Variants in PDE4D observed in about 807,000 individuals in gnomAD.
PDE4D encodes the protein phosphodiesterase 4D.
PDE4D carries 24 observed loss-of-function variants against 87.4 expected under a neutral mutation model. That is an observed-to-expected ratio of 0.27 (90% CI 0.20 to 0.39). The LOEUF (loss-of-function observed/expected upper bound fraction) is 0.39. Ranked by LOEUF, PDE4D falls within the 10% of genes least tolerant of loss-of-function variation. The pLI is 1.00. For synonymous variants in PDE4D, 384 were observed against 383.2 expected (o/e 1.00, Z -0.02); for missense variants, 714 against 1,041.0 (o/e 0.69, Z 4.32).
At chr5:58,983,795 C>T (rs1228927499) in intron 11 of PDE4D, among the ~76,000 whole-genome samples, 1 of 152,198 alleles carries the variant, frequency 6.6e-6, no homozygotes, top group Non-Finnish European at 1.5e-5. Flanking sequence ...TTTTGTGACA[C>T]TCTCTTGTTC....
At position 59,308,020 on chromosome 5, in the gene PDE4D, G is replaced by A. The variant is rs563802609; in HGVS notation, c.456-92052C>T. Among the ~76,000 whole-genome samples the A allele has an allele frequency of 2.9e-4, 44 of 152,210 alleles. No homozygotes were observed. In the East Asian group the frequency reaches 7.7e-3, roughly 27 times the overall value. On this transcript the variant is annotated intron_variant, in intron 1 of 14. Transcript: ENST00000340635. ...ATGTGGCACATATACACCATGGAAA[G>A]CTATGCAGCCATAAAAAATGATGAG...
chr5:60,218,571 A>C (rs1490829072), intron 1 of PDE4D, among the ~76,000 whole-genome samples: 1 of 152,092 alleles, frequency 6.6e-6, no homozygotes, highest in Non-Finnish European at 1.5e-5. Flanking sequence ...CCATGTTTTT[A>C]TGAGGATTCA....
chr5:59,634,206 C>T (rs1244947614), intron 1 of PDE4D, among the ~76,000 whole-genome samples: 8 of 152,158 alleles, frequency 5.3e-5, no homozygotes, highest in African/African-American at 1.7e-4. Flanking sequence ...TATATATGCA[C>T]CCAATACAAG....
intron 1 of PDE4D, among the ~76,000 whole-genome samples, chr5:59,546,322 T>C (rs1450188127): frequency 6.6e-6 from 1 of 152,088 alleles, no homozygotes; most frequent in East Asian, 1.9e-4. Context: ...CAAAAGTGCG[T>C]TGCGCTCATC....
In PDE4D at chr5:59,997,460, A is replaced by G. The variant is rs112164826; in HGVS notation, c.43-8743T>C. On this transcript the variant is annotated intron_variant, in intron 2 of 16. Transcript: ENST00000502484. Reference sequence around the variant, plus strand: ...TTAAATACCAATACCAATCAAAACTATGTGTATAAACATGAAAGAAAAACC... The same window carrying G: ...TTAAATACCAATACCAATCAAAACTGTGTGTATAAACATGAAAGAAAAACC... Among the ~76,000 whole-genome samples the G allele has an allele frequency of 3.4e-4, 52 of 152,320 alleles. 3 individuals carry two copies. Among genetic ancestry groups the G allele is most frequent in the African/African-American group, 1.2e-3 (48 of 41,584 alleles).
chr5:59,667,289 C>CTGTGT (rs1451023447), intron 1 of PDE4D, among the ~76,000 whole-genome samples: 1 of 151,788 alleles, frequency 6.6e-6, no homozygotes, highest in African/African-American at 2.4e-5. Flanking sequence ...TTGTGTTTTG[C>CTGTGT]TGTGTTGCGT....
chr5:60,075,862 T>C (rs1427092578), intron 2 of PDE4D, among the ~76,000 whole-genome samples: 1 of 152,186 alleles, frequency 6.6e-6, no homozygotes, highest in Non-Finnish European at 1.5e-5. Flanking sequence ...CTCTATCAGG[T>C]TGGTTACACT....
At chr5:59,823,635 A>G (rs1051678876) in intron 1 of PDE4D, among the ~76,000 whole-genome samples, 3 of 152,006 alleles carry the variant, frequency 2.0e-5, no homozygotes, top group Non-Finnish European at 4.4e-5. Flanking sequence ...AATGTAAATC[A>G]GTTTTGTCAT....
intron 1 of PDE4D, among the ~76,000 whole-genome samples, chr5:60,453,426 C>T (rs940320924): frequency 7.2e-5 from 11 of 152,042 alleles, no homozygotes; most frequent in African/African-American, 2.7e-4. Context: ...GCCAACAATG[C>T]TTCAACAGAG....
chr5:60,181,232 G>A (rs1289592052), intron 2 of PDE4D, among the ~76,000 whole-genome samples: 2 of 152,082 alleles, frequency 1.3e-5, no homozygotes, highest in Non-Finnish European at 2.9e-5. Flanking sequence ...ACTCAGCAAT[G>A]TAAAGGTACA....
At chr5:58,977,376 C>A (rs754893008) in intron 11 of PDE4D, 31 bp from the exon 12 acceptor site, 1 of 1,583,794 alleles carries the variant, frequency 6.3e-7, no homozygotes, top group Admixed American at 1.9e-5. Context: ...CAAAGATCAG[C>A]AAAACTGTTT....
intron 2 of PDE4D, among the ~76,000 whole-genome samples, chr5:60,172,666 T>C (rs1173880471): frequency 6.6e-6 from 1 of 152,110 alleles, no homozygotes; most frequent in African/African-American, 2.4e-5. Context: ...TTAAAACTGG[T>C]TACTAGAACT....
chr5:60,172,307 C>T (rs1369409836), intron 2 of PDE4D, among the ~76,000 whole-genome samples: 1 of 138,348 alleles, frequency 7.2e-6, no homozygotes, highest in Non-Finnish European at 1.6e-5. Context: ...CACAAATATG[C>T]AAAATATTTG....
intron 1 of PDE4D, among the ~76,000 whole-genome samples, chr5:59,328,558 C>T (rs1233772331): frequency 1.3e-5 from 2 of 152,066 alleles, no homozygotes; most frequent in African/African-American, 4.8e-5. Context: ...GTACACAATC[C>T]ACAAAATAAT....
chr5:60,120,223 C>G lies in PDE4D; in HGVS notation c.42+65334G>C, dbSNP rs563403008. On this transcript the variant is annotated intron_variant, in intron 2 of 16. Transcript: ENST00000502484. ...TTGCATTAGAACAAATTCATGTTTT[C>G]AAGACAAGTGAAGCAGAGCTTACTG... Among the ~76,000 whole-genome samples, 176 of 152,248 alleles carry G rather than the reference C, an allele frequency of 1.2e-3. 1 individual carries two copies. Among genetic ancestry groups the G allele is most frequent in the African/African-American group, 4.1e-3 (171 of 41,542 alleles).
At chr5:60,183,447 G>A (rs926002252) in intron 2 of PDE4D, among the ~76,000 whole-genome samples, 8 of 152,168 alleles carry the variant, frequency 5.3e-5, no homozygotes, top group African/African-American at 1.9e-4. Context: ...TGCCTGAATT[G>A]TTTGAGTTGA....
chr5:59,018,282 G>A (rs1048873521), intron 6 of PDE4D, among the ~76,000 whole-genome samples: 1 of 152,186 alleles, frequency 6.6e-6, no homozygotes, highest in East Asian at 1.9e-4. Flanking sequence ...AATTTTCTCA[G>A]AATGCACTGA....
chr5:59,934,051 T>A (rs535667215), intron 3 of PDE4D, among the ~76,000 whole-genome samples: 1 of 152,196 alleles, frequency 6.6e-6, no homozygotes, highest in East Asian at 1.9e-4. Flanking sequence ...TGGTACCATC[T>A]CAGCTCACTG....
chr5:60,340,607 TAA>T (rs10583972), intron 1 of PDE4D, among the ~76,000 whole-genome samples: 26,947 of 138,436 alleles, frequency 0.19, 3,533 homozygotes, highest in African/African-American at 0.39. Context: ...TCACATCATT[TAA>T]AAAAAAAAAA....
Sources: gnomAD v4.1 joint callset for allele counts (sites outside exome capture counted in the v4.1 genomes callset) on GRCh38, gnomAD v4.1.1 for gene constraint, MANE v1.5 for transcripts, NCBI Gene and HGNC (gene_info 2026-07-23, HGNC 2026-07-21) for gene names.